GAL3ST4: variants seen among roughly 807,000 people sequenced by gnomAD.
GAL3ST4 encodes the protein galactose-3-O-sulfotransferase 4.
GAL3ST4 carries 30 observed loss-of-function variants against 31.6 expected under a neutral mutation model. The observed-to-expected ratio is 0.95, with a 90% CI of 0.71 to 1.29. GAL3ST4 has a LOEUF of 1.29. Among genes scored for constraint, GAL3ST4 ranks in the 50% most tolerant of loss-of-function variants. GAL3ST4 has a pLI of 0.00. For missense variants in GAL3ST4, 629 were observed against 625.2 expected, an observed-to-expected ratio of 1.01 and a Z score of -0.06; for synonymous variants, 248 against 256.9, an observed-to-expected ratio of 0.97 and a Z score of 0.33.
At position 100,165,819 on chromosome 7, in the gene GAL3ST4, T is replaced by TCTCACACACACA. The variant is rs769054157; in HGVS notation, c.429+682_429+683insTGTGTGTGTGAG. ...CTGGATGACAGAATGAGACCCTGTC[T>TCTCACACACACA]CACACACACACACACACACACACAC... On this transcript the variant is annotated intron_variant, in intron 3 of 3. Transcript: ENST00000360039. 3.4e-4 allele frequency among the ~76,000 whole-genome samples: 47 copies of TCTCACACACACA among 136,376 alleles called. No individual in the cohort carries two copies. The South Asian group carries it at 4.1e-3, about 12-fold the overall frequency. 89.5% of individuals were successfully genotyped at this position (136,376 alleles called of 152,430 possible).
intron 3 of GAL3ST4, among the ~76,000 whole-genome samples, chr7:100,161,382 C>T (rs1799001608): frequency 6.6e-6 from 1 of 152,052 alleles, no homozygotes; most frequent in Non-Finnish European, 1.5e-5. Flanking sequence ...GGCATGGTGG[C>T]TCAAGCCTGT....
rs201362135 is a variant in GAL3ST4, at chr7:100,167,020, T to C, written c.76A>G (p.Met26Val). ...RSLGVALGVF[M>V]TIGFALQLLG... ...AGCTGGAGTGCAAAGCCAATGGTCATGAAGACTCCCAGAGCCACCCCCAGG... is the reference window on the plus strand; with the variant it reads ...AGCTGGAGTGCAAAGCCAATGGTCACGAAGACTCCCAGAGCCACCCCCAGG... The change falls in exon 2 of 4, where the codon ATG becomes GTG. Residue 26 changes from methionine (M) to valine (V), a missense_variant. Met to Val is a conservative substitution (Grantham distance 21). Transcript: ENST00000360039. The C allele has an allele frequency of 5.1e-6, 8 of 1,575,550 alleles. No homozygotes were observed. Among genetic ancestry groups the C allele is most frequent in the Non-Finnish European group, 6.0e-6 (7 of 1,160,694 alleles).
At chr7:100,162,930 A>G (rs1030614566) in intron 3 of GAL3ST4, among the ~76,000 whole-genome samples, 1 of 152,274 alleles carries the variant, frequency 6.6e-6, no homozygotes, top group East Asian at 1.9e-4. Context: ...GGAAACCTGG[A>G]GGATAGGAAA....
At chr7:100,163,315 C>G (rs959776462) in intron 3 of GAL3ST4, among the ~76,000 whole-genome samples, 2 of 152,114 alleles carry the variant, frequency 1.3e-5, no homozygotes. Flanking sequence ...CCTAACGTGG[C>G]CCTGCAGGCT....
intron 3 of GAL3ST4, among the ~76,000 whole-genome samples, chr7:100,162,880 A>G (rs1010929132): frequency 6.6e-6 from 1 of 151,860 alleles, no homozygotes; most frequent in East Asian, 1.9e-4. Flanking sequence ...AAAGGAAGGG[A>G]AAAAAAAGAA....
intron 3 of GAL3ST4, among the ~76,000 whole-genome samples, chr7:100,165,984 A>T (rs1057116911): frequency 1.3e-4 from 20 of 152,036 alleles, no homozygotes; most frequent in Non-Finnish European, 4.4e-5. Flanking sequence ...TGGGCAACAT[A>T]GCAAGACCCC....
chr7:100,167,458 A>G (rs1397669719), intron 1 of GAL3ST4, 175 bp from the exon 2 acceptor site: 1 of 269,912 alleles, frequency 3.7e-6, no homozygotes, highest in Non-Finnish European at 7.2e-6. Context: ...TCACTTTCTT[A>G]TCTCCAGTTC....
In GAL3ST4 at chr7:100,160,213, A is replaced by G. The variant is rs1274932111; in HGVS notation, c.1176T>C (p.Ala392=). The part of the protein sequence containing the change: ...EKYGQGRLQT[A]VAELRARREA... Reference sequence around the variant, plus strand: ...CTCGGCGAGCCCGGAGCTCGGCCACAGCTGTCTGCAGCCGGCCCTGGCCGT... The same window carrying G: ...CTCGGCGAGCCCGGAGCTCGGCCACGGCTGTCTGCAGCCGGCCCTGGCCGT... Residue 392 remains alanine (A), a synonymous_variant, in exon 4 of 4, where the codon GCT becomes GCC. Coordinates refer to ENST00000360039, the MANE Select transcript of GAL3ST4 (RefSeq NM_024637.5). The G allele has an allele frequency of 6.2e-7, 1 of 1,614,000 alleles. No individual in the cohort carries two copies. Among genetic ancestry groups the G allele is most frequent in the Non-Finnish European group, 8.5e-7 (1 of 1,180,040 alleles).
At chr7:100,161,788 A>G (rs1286625735) in intron 3 of GAL3ST4, among the ~76,000 whole-genome samples, 1 of 152,222 alleles carries the variant, frequency 6.6e-6, no homozygotes, top group Non-Finnish European at 1.5e-5. Flanking sequence ...TTGCAGGTGC[A>G]TGGATGAAGC....
rs866169211 is a variant in GAL3ST4, at chr7:100,159,675, A to G, written c.*253T>C. On this transcript the variant is annotated 3_prime_UTR_variant, in exon 4 of 4. Coordinates refer to ENST00000360039, the MANE Select transcript of GAL3ST4 (RefSeq NM_024637.5). ...GCAGAGGTTGCAGTGAGCCGAGATCATGCCACTGCACTCCAGCCTGGGGGA... is the reference window on the plus strand; with the variant it reads ...GCAGAGGTTGCAGTGAGCCGAGATCGTGCCACTGCACTCCAGCCTGGGGGA... 104 of 398,100 alleles carry G rather than the reference A, an allele frequency of 2.6e-4. No individual in the cohort carries two copies. The highest frequency in any genetic ancestry group is 2.0e-3 in the African/African-American group (99 of 48,840). The allele number at this position is 398,100 out of a possible 1,614,324, so 24.7% of individuals were successfully genotyped here. A position where few individuals can be genotyped will look rare whatever the true frequency, so the allele number is the denominator to read the frequency against.
At chr7:100,164,191 CCAGCTT>C (rs1799040498) in intron 3 of GAL3ST4, among the ~76,000 whole-genome samples, 1 of 152,186 alleles carries the variant, frequency 6.6e-6, no homozygotes, top group African/African-American at 2.4e-5. Context: ...GTCTCCAGCT[CCAGCTT>C]CAACAAGGGT....
At chr7:100,166,288 A>G (rs921514848) in intron 3 of GAL3ST4, among the ~76,000 whole-genome samples, 2 of 152,224 alleles carry the variant, frequency 1.3e-5, no homozygotes, top group Non-Finnish European at 2.9e-5. Context: ...AGTAAGCGCC[A>G]GAGAGAGAAG....
intron 3 of GAL3ST4, among the ~76,000 whole-genome samples, chr7:100,161,369 C>G (rs937818993): frequency 7.2e-5 from 11 of 151,920 alleles, no homozygotes; most frequent in Non-Finnish European, 1.6e-4. Flanking sequence ...AACTAAAAAG[C>G]CGGGCATGGT....
chr7:100,168,005 G>GAGAGAC lies in GAL3ST4; in HGVS notation c.-189+540_-189+541insGTCTCT, dbSNP rs371744826. 83 of 145,614 alleles carry GAGAGAC rather than the reference G, an allele frequency of 5.7e-4. No individual in the cohort carries two copies. Among genetic ancestry groups the GAGAGAC allele is most frequent in the African/African-American group, 2.1e-3 (82 of 38,538 alleles). The allele number at this position is 145,614 out of a possible 1,614,324, so 9.0% of individuals were successfully genotyped here. ...GGAGAGGGAGACAGAAAGAGAGAGA[G>GAGAGAC]ACACACACACACACACACACACACA... On this transcript the variant is annotated intron_variant, in intron 1 of 3. Transcript: ENST00000360039. The surrounding 1 kb of genome is among the most constrained non-coding windows in gnomAD (Gnocchi z 4.1).
In GAL3ST4 at chr7:100,160,744, G is replaced by A. The variant is rs377552046; in HGVS notation, c.645C>T (p.Gly215=). The A allele has an allele frequency of 5.6e-6, 9 of 1,614,006 alleles. No individual in the cohort carries two copies. The African/African-American group carries it at 6.7e-5, about 12-fold the overall frequency. Residue 215 remains glycine, a synonymous_variant, in exon 4 of 4, where the codon GGC becomes GGT. Coordinates refer to ENST00000360039, the MANE Select transcript of GAL3ST4 (RefSeq NM_024637.5). ...CCCTCTTCTCTGGGGGAAAGGGCAGGCCAAAGTCAAACCATAGTAAGTTGC... is the reference window on the plus strand; with the variant it reads ...CCCTCTTCTCTGGGGGAAAGGGCAGACCAAAGTCAAACCATAGTAAGTTGC... ...YARNLLWFDF[G]LPFPPEKRAK...
At position 100,165,451 on chromosome 7, in the gene GAL3ST4, G is replaced by A. The variant is rs192333665; in HGVS notation, c.429+1051C>T. On this transcript the variant is annotated intron_variant, in intron 3 of 3. Coordinates refer to ENST00000360039, the MANE Select transcript of GAL3ST4 (RefSeq NM_024637.5). ...CTCCCAAAGTGCTGGGCTTAGTCCC[G>A]GGCTAAAAATACAGCTGATCCTCAA... Among the ~76,000 whole-genome samples the A allele has an allele frequency of 4.8e-4, 73 of 152,198 alleles. No homozygotes were observed. The South Asian group carries it at 9.1e-3, about 19-fold the overall frequency.
chr7:100,160,370 A>G lies in GAL3ST4; in HGVS notation c.1019T>C (p.Leu340Pro). 1.2e-6 allele frequency: 2 copies of G among 1,614,090 alleles called. No homozygotes were observed. Among genetic ancestry groups the G allele is most frequent in the Non-Finnish European group, 1.7e-6 (2 of 1,180,034 alleles). The change falls in exon 4 of 4, where the codon CTC becomes CCC. Residue 340 changes from leucine to proline, a missense_variant. By Grantham distance (98) the Leu-to-Pro change is moderately conservative. Coordinates refer to ENST00000360039, the MANE Select transcript of GAL3ST4 (RefSeq NM_024637.5). The stretch of plus-strand genomic sequence containing the variant: ...CAGTCCACTGTTGCTGACAGTGCTG[A>G]GGCCCTGCTTATGTCCAGCCTGGGC... ...HNAQAGHKQG[L>P]STVSNSGLTA...
intron 3 of GAL3ST4, among the ~76,000 whole-genome samples, chr7:100,163,622 A>G (rs1007215782): frequency 6.7e-6 from 1 of 150,242 alleles, no homozygotes; most frequent in East Asian, 2.0e-4. Flanking sequence ...AGCCTTGAAA[A>G]CTCCTGGGCT....
At chr7:100,167,560 AAGAG>A (rs1364236505) in intron 1 of GAL3ST4, 1 of 190,556 alleles carries the variant, frequency 5.2e-6, no homozygotes, top group Non-Finnish European at 1.1e-5. Context: ...AACAGCCAGC[AAGAG>A]AGAGAGAGAT....
Sources: allele counts gnomAD v4.1 joint callset (sites outside exome capture counted in the v4.1 genomes callset), GRCh38; gene constraint gnomAD v4.1.1; non-coding constraint Gnocchi (gnomAD v3.1); transcripts MANE v1.5; gene names NCBI Gene and HGNC (gene_info 2026-07-23, HGNC 2026-07-21).